BIRC6: variants seen among roughly 807,000 people sequenced by gnomAD.
BIRC6 encodes the protein baculoviral IAP repeat containing 6, also known as dual E2 ubiquitin-conjugating enzyme/E3 ubiquitin-protein ligase BIRC6.
In BIRC6, 98 loss-of-function variants were observed where a neutral mutation model predicts 503.3. The ratio of observed to expected loss-of-function variants is 0.19; its 90% confidence interval spans 0.17 to 0.23. The LOEUF (loss-of-function observed/expected upper bound fraction) is 0.23. Ranked by LOEUF, BIRC6 falls within the 10% of genes least tolerant of loss-of-function variation. The probability of loss-of-function intolerance (pLI) is 1.00; values close to 1 mark genes in which losing one functional copy is unlikely to be tolerated. For synonymous variants in BIRC6, 2,240 were observed against 2,078.7 expected (o/e 1.08, Z -2.11); for missense variants, 5,360 against 5,806.0 (o/e 0.92, Z 2.50).
intron 61 of BIRC6, among the ~76,000 whole-genome samples, chr2:32,535,142 C>CA (rs1329662875): frequency 9.3e-5 from 1 of 10,760 alleles, no homozygotes; most frequent in African/African-American, 3.3e-4. Context: ...CTCATACCCC[C>CA]AAAAAAGCAA....
chr2:32,552,505 A>C (rs1277089747), intron 65 of BIRC6, among the ~76,000 whole-genome samples: 1 of 152,238 alleles, frequency 6.6e-6, no homozygotes, highest in African/African-American at 2.4e-5. Context: ...TAAAAAGAGA[A>C]TATTGTTAGT....
rs745361232 is a variant in BIRC6 at position 32,465,053 on chromosome 2, T to TC, written c.5257-9dup. 35 of 1,504,210 alleles carry TC rather than the reference T, an allele frequency of 2.3e-5. No individual in the cohort carries two copies. Among genetic ancestry groups the TC allele is most frequent in the Non-Finnish European group, 2.9e-5 (32 of 1,105,682 alleles). The allele number at this position is 1,504,210 out of a possible 1,614,324, so 93.2% of individuals were successfully genotyped here. ...AATATAAAGTTAGATTTTTTTTTTT[T>TC]CCCTGCTCTAGAATCCACTTGGTTC... is the stretch of plus-strand genomic sequence containing the variant. On this transcript the variant is annotated splice_polypyrimidine_tract_variant and intron_variant, in intron 25 of 73. Coordinates refer to ENST00000421745, the MANE Select transcript of BIRC6 (RefSeq NM_016252.4).
At chr2:32,509,710 G>T in intron 51 of BIRC6, 28 bp from the exon 52 acceptor site, 1 of 1,612,262 alleles carries the variant, frequency 6.2e-7, no homozygotes, top group South Asian at 1.1e-5. Context: ...GACTTATATT[G>T]ATCATACAAG....
In BIRC6 at chr2:32,502,795, G is replaced by T. The variant is rs1347727073; in HGVS notation, c.9208G>T (p.Gly3070Cys). Residue 3070 changes from glycine (G) to cysteine (C), a missense_variant and splice_region_variant, in exon 48 of 74, where the codon GGC (glycine) becomes TGC (cysteine). This residue lies in a region of BIRC6 where 267 missense variants were observed against 287.6 expected (regional missense o/e 0.93). Transcript: ENST00000421745. ...ATAATATGCATATTTCATTTTTTAG[G>T]GCTCTCTTGCTACTTGCCAGTTATC... is the stretch of plus-strand genomic sequence containing the variant. Reference protein sequence around the residue: ...YMACGYMGRQGSLATCQLSEP... With the variant: ...YMACGYMGRQCSLATCQLSEP... 2 of 1,606,784 alleles carry T rather than the reference G, an allele frequency of 1.2e-6. No individual in the cohort carries two copies. The highest frequency in any genetic ancestry group is 1.7e-6 in the Non-Finnish European group (2 of 1,176,508).
intron 28 of BIRC6, 110 bp downstream of exon 28, chr2:32,468,221 C>G: frequency 8.5e-7 from 1 of 1,172,088 alleles, no homozygotes; most frequent in Non-Finnish European, 1.2e-6. Flanking sequence ...GATAAGAGAG[C>G]AAGAGGAAGT....
chr2:32,377,213 ATGTGTGTG>A (rs59912267), intron 1 of BIRC6, among the ~76,000 whole-genome samples: 62 of 144,254 alleles, frequency 4.3e-4, no homozygotes, highest in East Asian at 8.1e-4. Flanking sequence ...CTTAATATAT[ATGTGTGTG>A]TGTGTGTGTG....
intron 55 of BIRC6, 42 bp from the exon 56 acceptor site, chr2:32,518,212 A>C (rs200229179): frequency 1.3e-5 from 20 of 1,562,162 alleles, no homozygotes; most frequent in Non-Finnish European, 1.7e-5. Context: ...AAAGCTGCAT[A>C]TAAATCTTGC....
At chr2:32,585,102 C>T (rs2060938978) in intron 66 of BIRC6, among the ~76,000 whole-genome samples, 1 of 151,962 alleles carries the variant, frequency 6.6e-6, no homozygotes, top group African/African-American at 2.4e-5. Context: ...GAAATAGTTT[C>T]CTAAGGACCA....
At chr2:32,595,277 C>T (rs2061610191) in intron 68 of BIRC6, 133 bp downstream of exon 68, 3 of 560,540 alleles carry the variant, frequency 5.4e-6, no homozygotes, top group Non-Finnish European at 6.2e-6. Flanking sequence ...TACATATCAA[C>T]ATTTTTTATC....
chr2:32,469,005 A>G (rs1272244840), intron 29 of BIRC6, among the ~76,000 whole-genome samples: 1 of 152,226 alleles, frequency 6.6e-6, no homozygotes, highest in Admixed American at 6.5e-5. Flanking sequence ...TGGTATTGAC[A>G]TGCACATCAT....
chr2:32,443,124 G>C (rs139112879), intron 19 of BIRC6, among the ~76,000 whole-genome samples: 1 of 152,222 alleles, frequency 6.6e-6, no homozygotes, highest in East Asian at 1.9e-4. Context: ...TTATTGTACT[G>C]TACTCACCTG....
At chr2:32,389,548 A>G (rs1467920452) in intron 4 of BIRC6, among the ~76,000 whole-genome samples, 2 of 152,210 alleles carry the variant, frequency 1.3e-5, no homozygotes, top group African/African-American at 2.4e-5. Flanking sequence ...TTAAAAAACC[A>G]GTGACACATT....
intron 23 of BIRC6, among the ~76,000 whole-genome samples, chr2:32,457,618 A>G (rs2047394200): frequency 6.6e-6 from 1 of 152,134 alleles, no homozygotes; most frequent in African/African-American, 2.4e-5. Flanking sequence ...TTCCCATGAT[A>G]CATTATTATA....
chr2:32,509,777 C>T lies in BIRC6; in HGVS notation c.10020C>T (p.His3340=). The T allele has an allele frequency of 3.1e-6, 5 of 1,614,010 alleles. No individual in the cohort carries two copies. Among genetic ancestry groups the T allele is most frequent in the Non-Finnish European group, 4.2e-6 (5 of 1,179,870 alleles). ...WLRLLHHCLT[H]ISDLEGMMAS... is the part of the protein sequence containing the mutation. ...GGTTATTACATCATTGCCTTACTCA[C>T]ATAAGTGATCTAGAAGGAATGATGG... Residue 3340 remains histidine, a synonymous_variant, in exon 52 of 74, where the codon CAC becomes CAT. Coordinates refer to ENST00000421745, the MANE Select transcript of BIRC6 (RefSeq NM_016252.4).
At chr2:32,605,416 A>G (rs1356835391) in intron 71 of BIRC6, among the ~76,000 whole-genome samples, 2 of 152,202 alleles carry the variant, frequency 1.3e-5, no homozygotes, top group Non-Finnish European at 2.9e-5. Context: ...CTTTTTTATA[A>G]ATTTGTAATG....
chr2:32,580,804 A>G (rs756264401), intron 66 of BIRC6, among the ~76,000 whole-genome samples: 6 of 152,068 alleles, frequency 3.9e-5, no homozygotes, highest in Non-Finnish European at 7.4e-5. Context: ...ACTCATCAGC[A>G]CTCTTGCTCT....
intron 8 of BIRC6, among the ~76,000 whole-genome samples, chr2:32,405,468 C>A (rs901074490): frequency 5.3e-5 from 8 of 152,138 alleles, no homozygotes; most frequent in Non-Finnish European, 1.0e-4. Context: ...GCAGTAATAT[C>A]CTTAAGCATT....
chr2:32,493,190 T>G (rs1217207063), intron 44 of BIRC6, among the ~76,000 whole-genome samples: 1 of 152,020 alleles, frequency 6.6e-6, no homozygotes, highest in Non-Finnish European at 1.5e-5. Flanking sequence ...ATTAAGAAGG[T>G]TATTTGTGAA....
At chr2:32,479,341 T>C in intron 36 of BIRC6, 121 bp from the exon 37 acceptor site, 1 of 950,284 alleles carries the variant, frequency 1.1e-6, no homozygotes, top group Admixed American at 2.7e-5. Context: ...TGCCTCAGAT[T>C]CTTTTATAGT....
Sources: gnomAD v4.1 joint callset for allele counts (sites outside exome capture counted in the v4.1 genomes callset) on GRCh38, gnomAD v4.1.1 for gene constraint, gnomAD v4.1.1 regional missense constraint, MANE v1.5 for transcripts, NCBI Gene and HGNC (gene_info 2026-07-23, HGNC 2026-07-21) for gene names.